DNM3: variants seen among roughly 807,000 people sequenced by gnomAD.
DNM3 encodes the protein dynamin 3.
In DNM3, 47 loss-of-function variants were observed where a neutral mutation model predicts 101.6. The ratio of observed to expected loss-of-function variants is 0.46; its 90% CI spans 0.37 to 0.59. DNM3 has a LOEUF of 0.59. DNM3 is among the 20% of genes least tolerant of loss of function. DNM3 has a pLI of 0.00. For synonymous variants in DNM3, 385 were observed against 387.9 expected, an observed-to-expected ratio of 0.99 and a Z score of 0.09; for missense variants, 849 against 1,085.7, an observed-to-expected ratio of 0.78 and a Z score of 3.06.
rs1203557498 is a variant in DNM3 at position 172,068,878 on chromosome 1, T to A, written c.1395T>A (p.Arg465=). The A allele has an allele frequency of 1.1e-5, 17 of 1,569,442 alleles. No individual in the cohort carries two copies. Among genetic ancestry groups the A allele is most frequent in the Non-Finnish European group, 1.5e-5 (17 of 1,156,578 alleles). ...ETERIVANHI[R]EREGKTKDQV... ...AAAGGATTGTTGCTAACCACATTCG[T>A]GAGCGAGAAGGGAAGACAAAGGACC... The change falls in exon 11 of 21, where the codon CGT becomes CGA. Residue 465 remains arginine, a synonymous_variant. Transcript: ENST00000627582.
chr1:172,076,508 G>T (rs935930553), intron 11 of DNM3, among the ~76,000 whole-genome samples: 1 of 152,144 alleles, frequency 6.6e-6, no homozygotes, highest in Admixed American at 6.5e-5. Flanking sequence ...CTAGTTTATT[G>T]AGAGTTTTTA....
At position 171,957,199 on chromosome 1, in the gene DNM3, CTTTTTT is replaced by C. The variant is rs377678762; in HGVS notation, c.236-30446_236-30441del. Among the ~76,000 whole-genome samples the C allele has an allele frequency of 3.3e-4, 45 of 138,354 alleles. 1 individual carries two copies. In the South Asian group the frequency reaches 4.2e-3, roughly 13 times the overall value. 90.8% of individuals were successfully genotyped at this position (138,354 alleles called of 152,430 possible). ...GTGTTTTTCTTTTCTTTCTTTCTTT[CTTTTTT>C]TTTTTTTTTTGAGACGGAGTCTCGC... On this transcript the variant is annotated intron_variant, in intron 2 of 20. Transcript: ENST00000627582.
At chr1:171,899,660 C>T (rs1211594768) in intron 1 of DNM3, among the ~76,000 whole-genome samples, 31 of 152,160 alleles carry the variant, frequency 2.0e-4, no homozygotes, top group Non-Finnish European at 1.2e-4. Context: ...TGTTTATGTA[C>T]TCATCCATAA....
chr1:172,008,564 C>A (rs2046853389), intron 4 of DNM3, among the ~76,000 whole-genome samples: 1 of 142,862 alleles, frequency 7.0e-6, no homozygotes, highest in South Asian at 2.2e-4. Flanking sequence ...CTAGTTTTAG[C>A]CTTAAATTTA....
chr1:172,260,806 G>A (rs1259864916), intron 15 of DNM3, among the ~76,000 whole-genome samples: 2 of 151,736 alleles, frequency 1.3e-5, no homozygotes, highest in Non-Finnish European at 2.9e-5. Context: ...TTACAGATAT[G>A]TACAGTTGTT....
At position 172,387,356 on chromosome 1, in the gene DNM3, G is replaced by A. The variant is rs779486284; in HGVS notation, c.2282G>A (p.Arg761His). 25 of 1,612,308 alleles carry A rather than the reference G, an allele frequency of 1.6e-5. No individual in the cohort carries two copies. The highest frequency in any genetic ancestry group is 6.7e-5 in the East Asian group (3 of 44,822). ...GATGACTCCTGGATACAGCACTCTC[G>A]CAGGTAAGAAGATGGCCCCGGCCGG... ...PVDDSWIQHS[R>H]RSPPPSPTTQ... The change falls in exon 19 of 21, where the codon CGC (arginine) becomes CAC (histidine). Residue 761 changes from arginine to histidine, a missense_variant. Coordinates refer to ENST00000627582, the MANE Select transcript of DNM3 (RefSeq NM_015569.5).
At chr1:172,131,511 C>T (rs558880410) in intron 14 of DNM3, among the ~76,000 whole-genome samples, 1 of 152,136 alleles carries the variant, frequency 6.6e-6, no homozygotes, top group South Asian at 2.1e-4. Flanking sequence ...TTGCTGTAAC[C>T]ATATGTTTGC....
chr1:171,934,825 G>A (rs2041286186), intron 2 of DNM3, among the ~76,000 whole-genome samples: 1 of 152,148 alleles, frequency 6.6e-6, no homozygotes, highest in African/African-American at 2.4e-5. Flanking sequence ...GATACTATGT[G>A]GGAAACTAAA....
chr1:172,057,951 T>G (rs980179665), intron 10 of DNM3, among the ~76,000 whole-genome samples: 4 of 138,964 alleles, frequency 2.9e-5, no homozygotes, highest in African/African-American at 1.1e-4. Flanking sequence ...AGGAAACCCA[T>G]CTCATGTGCA....
intron 7 of DNM3, among the ~76,000 whole-genome samples, chr1:172,041,044 GGCTAGA>G (rs1394934558): frequency 6.6e-6 from 1 of 152,076 alleles, no homozygotes; most frequent in Admixed American, 6.6e-5. Flanking sequence ...TGAAAAACAA[GGCTAGA>G]GCTAGTTTAG....
intron 4 of DNM3, among the ~76,000 whole-genome samples, chr1:172,013,752 AG>A (rs1158909825): frequency 2.0e-5 from 3 of 152,140 alleles, no homozygotes; most frequent in East Asian, 3.9e-4. Context: ...TATAAAGGTG[AG>A]GGGGGCATGT....
Position 172,407,750 on chromosome 1 carries a change from CTTTCTCTT to C in DNM3, c.2523-12_2523-5del. 1 of 1,610,436 alleles carries C rather than the reference CTTTCTCTT, an allele frequency of 6.2e-7. No individual in the cohort carries two copies. The highest frequency in any genetic ancestry group is 1.1e-5 in the South Asian group (1 of 90,994). On this transcript the variant is annotated splice_polypyrimidine_tract_variant and intron_variant, in intron 20 of 20. Coordinates refer to ENST00000627582, the MANE Select transcript of DNM3 (RefSeq NM_015569.5). ...CTAGATATTCTACTTGTTTCTTTACCTTTCTCTTTTTCTCTTTCTAGCCGGAGACCACC... is the reference window on the plus strand; with the variant it reads ...CTAGATATTCTACTTGTTTCTTTACCTTTCTCTTTCTAGCCGGAGACCACC...
intron 14 of DNM3, among the ~76,000 whole-genome samples, chr1:172,234,341 G>C (rs1177581968): frequency 6.6e-6 from 1 of 152,082 alleles, no homozygotes; most frequent in Non-Finnish European, 1.5e-5. Flanking sequence ...AGATGTGAAG[G>C]ACGTCTTCAA....
chr1:172,360,876 T>C (rs1157458181), intron 17 of DNM3, among the ~76,000 whole-genome samples: 4 of 151,988 alleles, frequency 2.6e-5, no homozygotes, highest in Admixed American at 2.6e-4. Context: ...GGAAATCTAC[T>C]TCACATAGCA....
chr1:172,323,508 A>G (rs559738397), intron 17 of DNM3, among the ~76,000 whole-genome samples, 168 bp downstream of exon 17: 1 of 152,324 alleles, frequency 6.6e-6, no homozygotes, highest in East Asian at 1.9e-4. Flanking sequence ...TTGCACTACC[A>G]TAATGGCTGT....
chr1:171,911,812 C>T (rs2039333769), intron 1 of DNM3, among the ~76,000 whole-genome samples: 1 of 152,112 alleles, frequency 6.6e-6, no homozygotes, highest in African/African-American at 2.4e-5. Flanking sequence ...TAAGTGTTCT[C>T]TTGCTGTTGC....
intron 1 of DNM3, among the ~76,000 whole-genome samples, chr1:171,853,682 G>T (rs2033246572): frequency 6.6e-6 from 1 of 151,714 alleles, no homozygotes; most frequent in South Asian, 2.1e-4. Context: ...TTCTCATTCT[G>T]ACCATCAGAG....
At chr1:172,099,714 G>C (rs2054500209) in intron 13 of DNM3, among the ~76,000 whole-genome samples, 1 of 152,214 alleles carries the variant, frequency 6.6e-6, no homozygotes. Context: ...GTTAAAGTCA[G>C]TGAGTGGCAT....
intron 10 of DNM3, among the ~76,000 whole-genome samples, chr1:172,052,222 C>G (rs917787084): frequency 6.6e-6 from 1 of 152,124 alleles, no homozygotes; most frequent in Non-Finnish European, 1.5e-5. Flanking sequence ...AGCCACACCC[C>G]CTTCTTATCC....
Sources: gnomAD v4.1 joint callset for allele counts (sites outside exome capture counted in the v4.1 genomes callset) on GRCh38, gnomAD v4.1.1 for gene constraint, MANE v1.5 for transcripts, NCBI Gene and HGNC (gene_info 2026-07-23, HGNC 2026-07-21) for gene names.